Variants in ABCA7 observed in about 807,000 individuals in gnomAD.
ABCA7 encodes ATP binding cassette subfamily A member 7.
In ABCA7, 261 loss-of-function variants were observed where a neutral mutation model predicts 227.6. That is an observed-to-expected ratio of 1.15 (90% confidence interval 1.04 to 1.27). The LOEUF (loss-of-function observed/expected upper bound fraction) is 1.27. Among genes scored for constraint, ABCA7 ranks in the 50% most tolerant of loss-of-function variants. The pLI is 0.00. For synonymous variants in ABCA7, 1,488 were observed against 1,279.7 expected (o/e 1.16, Z -3.47); for missense variants, 3,331 against 2,924.5 (o/e 1.14, Z -3.21).
chr19:1,062,778 C>G (rs1253229214), intron 42 of ABCA7, among the ~76,000 whole-genome samples: 10 of 151,682 alleles, frequency 6.6e-5, no homozygotes, highest in Middle Eastern at 3.4e-3. Context: ...CTGTCCCACC[C>G]CATGCCCTTT....
rs1480356267 is a variant in ABCA7, at chr19:1,053,182, T to C, written c.3221-147T>C. 8 of 799,628 alleles carry C rather than the reference T, an allele frequency of 1.0e-5. No individual in the cohort carries two copies. In the African/African-American group the frequency reaches 1.2e-4, roughly 12 times the overall value. 49.5% of individuals were successfully genotyped at this position (799,628 alleles called of 1,614,324 possible). On this transcript the variant is annotated intron_variant, in intron 23 of 46. Transcript: ENST00000263094. ...TGCTGGGATTACAGGCGTGAGCCAC[T>C]GCGCCCGGCCGCACCTGGCCTACGT...
chr19:1,045,697 T>C lies in ABCA7; in HGVS notation c.1445+466T>C, dbSNP rs982102048. ...CTCCCCCACCAACCTCACGAAAATATCTTTAAAAATTAGCCAGGTGAGGCC... is the reference window on the plus strand; with the variant it reads ...CTCCCCCACCAACCTCACGAAAATACCTTTAAAAATTAGCCAGGTGAGGCC... On this transcript the variant is annotated intron_variant, in intron 12 of 46. Coordinates refer to ENST00000263094, the MANE Select transcript of ABCA7 (RefSeq NM_019112.4). 1.3e-4 allele frequency: 18 copies of C among 136,840 alleles called. No individual in the cohort carries two copies. In the East Asian group the frequency reaches 2.2e-3, roughly 17 times the overall value. The allele number at this position is 136,840 out of a possible 1,614,324, so 8.5% of individuals were successfully genotyped here.
intron 25 of ABCA7, 54 bp from the exon 26 acceptor site, chr19:1,053,952 G>T (rs2042010929): frequency 2.1e-5 from 33 of 1,607,852 alleles, no homozygotes; most frequent in Non-Finnish European, 2.6e-5. Flanking sequence ...CCTGATTCCT[G>T]ATCCCCCAAT....
At position 1,053,369 on chromosome 19, in the gene ABCA7, C is replaced by T. The variant is rs778751995; in HGVS notation, c.3261C>T (p.Pro1087=). The T allele has an allele frequency of 3.8e-5, 61 of 1,609,140 alleles. No homozygotes were observed. Among genetic ancestry groups the T allele is most frequent in the Non-Finnish European group, 4.8e-5 (57 of 1,179,450 alleles). Residue 1087 remains proline, a synonymous_variant, in exon 24 of 47, where the codon CCC becomes CCT. Transcript: ENST00000263094. The part of the protein sequence containing the change: ...QLLALVQHWV[P]GARLVEELPH... ...TGGCCCTGGTACAGCACTGGGTGCC[C>T]GGGGCACGGCTGGTGGAGGAGCTGC...
chr19:1,043,844 G>T lies in ABCA7; in HGVS notation c.1047+3G>T. On this transcript the variant is annotated splice_donor_region_variant and intron_variant, in intron 10 of 46. Coordinates refer to ENST00000263094, the MANE Select transcript of ABCA7 (RefSeq NM_019112.4). The stretch of plus-strand genomic sequence containing the variant: ...GTTCCAATGTGGCCATGCTGCAGGT[G>T]TGCGGGGGTGCTGGGGAGGTGGGAT... The T allele has an allele frequency of 6.2e-7, 1 of 1,612,768 alleles. No individual in the cohort carries two copies.
In ABCA7 at chr19:1,058,800, C is replaced by T; in HGVS notation, c.5280-20C>T. On this transcript the variant is annotated intron_variant, in intron 38 of 46. Transcript: ENST00000263094. Reference sequence around the variant, plus strand: ...AGGGGCCAAGGACCTACTTTAAGCCCACAGATATTCTGTCCCCAGGCCCAG... The same window carrying T: ...AGGGGCCAAGGACCTACTTTAAGCCTACAGATATTCTGTCCCCAGGCCCAG... The T allele has an allele frequency of 6.3e-7, 1 of 1,591,142 alleles. No individual in the cohort carries two copies. The highest frequency in any genetic ancestry group is 8.6e-7 in the Non-Finnish European group (1 of 1,166,208).
chr19:1,042,072 GGCTGCTA>G lies in ABCA7; in HGVS notation c.314_320del (p.Leu105ProfsTer19). On this transcript the variant is annotated frameshift_variant, in exon 5 of 47. Coordinates refer to ENST00000263094, the MANE Select transcript of ABCA7 (RefSeq NM_019112.4). LOFTEE classifies it high-confidence loss of function. ...CCTCTCTCTGTCCCCAGGGTCTCCC[GGCTGCTA>G]GCCGATGCCCGCACTGTGCTGGGAG... The G allele has an allele frequency of 6.3e-7, 1 of 1,593,416 alleles. No individual in the cohort carries two copies. Among genetic ancestry groups the G allele is most frequent in the Non-Finnish European group, 8.5e-7 (1 of 1,176,592 alleles).
chr19:1,062,870 G>A (rs1250012998), intron 42 of ABCA7, among the ~76,000 whole-genome samples: 1 of 148,614 alleles, frequency 6.7e-6, no homozygotes, highest in African/African-American at 2.5e-5. Flanking sequence ...CCATACCAAG[G>A]CCCCACCCCA....
chr19:1,064,081 A>G, intron 44 of ABCA7, 80 bp from the exon 45 acceptor site: 1 of 1,441,670 alleles, frequency 6.9e-7, no homozygotes. Flanking sequence ...AGGGTGGCCC[A>G]GGCCGGGGGA....
rs1285257714 is a variant in ABCA7 at position 1,063,833 on chromosome 19, A to T, written c.5921A>T (p.Glu1974Val). ...LWNSLLAVVR[E>V]GRSVMLTSHS... The stretch of plus-strand genomic sequence containing the variant: ...AACAGCCTTTTGGCCGTGGTGCGGG[A>T]GGGCCGTTCAGTGATGCTCACCTCC... The change falls in exon 44 of 47, where the codon GAG (glutamate) becomes GTG (valine). Residue 1974 changes from glutamate to valine, a missense_variant. Glu to Val is a moderately radical substitution (Grantham distance 121). Transcript: ENST00000263094. 1.9e-6 allele frequency: 3 copies of T among 1,541,840 alleles called. No homozygotes were observed. The highest frequency in any genetic ancestry group is 2.6e-6 in the Non-Finnish European group (3 of 1,144,540).
chr19:1,047,236 A>G lies in ABCA7; in HGVS notation c.1925A>G (p.Gln642Arg). ...LAAFAVATVT[Q>R]SFLLSAFFSR... ...GCCTTCGCGGTGGCCACGGTGACCCAGAGCTTCCTGCTCAGCGCCTTCTTC... is the reference window on the plus strand; with the variant it reads ...GCCTTCGCGGTGGCCACGGTGACCCGGAGCTTCCTGCTCAGCGCCTTCTTC... The change falls in exon 15 of 47, where the codon CAG becomes CGG. Residue 642 changes from glutamine to arginine, a missense_variant. By Grantham distance (43) the Gln-to-Arg change is conservative (BLOSUM62 1). Coordinates refer to ENST00000263094, the MANE Select transcript of ABCA7 (RefSeq NM_019112.4). The G allele has an allele frequency of 6.2e-7, 1 of 1,608,114 alleles. No individual in the cohort carries two copies. Among genetic ancestry groups the G allele is most frequent in the Non-Finnish European group, 8.5e-7 (1 of 1,179,380 alleles).
Position 1,048,989 on chromosome 19 carries a change from C to T in ABCA7, c.2364C>T (p.Thr788=), listed in dbSNP as rs146739407. The T allele has an allele frequency of 9.3e-5, 149 of 1,594,444 alleles. No individual in the cohort carries two copies. The highest frequency in any genetic ancestry group is 1.6e-4 in the Admixed American group (9 of 57,442). Residue 788 remains threonine, a synonymous_variant, in exon 17 of 47, where the codon ACC becomes ACT. Transcript: ENST00000263094. The part of the protein sequence containing the change: ...RPPKSPAPCP[T]PLDPKVLVEE... ...CCAAGAGTCCAGCCCCTTGCCCCACCCCGCTGGACCCAAAGGGTGAGGCAC... is the reference window on the plus strand; with the variant it reads ...CCAAGAGTCCAGCCCCTTGCCCCACTCCGCTGGACCCAAAGGGTGAGGCAC...
At position 1,049,537 on chromosome 19, in the gene ABCA7, GTGAA is replaced by G; in HGVS notation, c.2552+101_2552+104del. On this transcript the variant is annotated intron_variant, in intron 18 of 46. Transcript: ENST00000263094. ...GTGAGCCCCCCACCACTCCCTCCCC[GTGAA>G]CCCCCCACCACTCCCTCCCCGTGAG... 1.1e-4 allele frequency: 13 copies of G among 119,202 alleles called. 3 individuals carry two copies. The highest frequency in any genetic ancestry group is 7.3e-4 in the South Asian group (9 of 12,358). 7.4% of individuals were successfully genotyped at this position (119,202 alleles called of 1,614,324 possible).
intron 4 of ABCA7, 41 bp from the exon 5 acceptor site, chr19:1,042,023 G>A: frequency 1.3e-6 from 2 of 1,582,564 alleles, no homozygotes; most frequent in Non-Finnish European, 1.7e-6. Flanking sequence ...GGGCTGCAGT[G>A]CCGGCCGGAA....
chr19:1,062,408 C>T, intron 42 of ABCA7, 95 bp downstream of exon 42: 2 of 1,535,410 alleles, frequency 1.3e-6, no homozygotes, highest in Non-Finnish European at 1.8e-6. Context: ...ACTCTCTCGC[C>T]TTGGCTCCAT....
At chr19:1,042,013 G>T in intron 4 of ABCA7, 41 bp downstream of exon 4, 1 of 1,581,384 alleles carries the variant, frequency 6.3e-7, no homozygotes, top group Non-Finnish European at 8.6e-7. Context: ...TGCAAACTCG[G>T]GGCTGCAGTG....
At chr19:1,044,357 C>T (rs1041933488) in intron 10 of ABCA7, among the ~76,000 whole-genome samples, 2 of 150,978 alleles carry the variant, frequency 1.3e-5, no homozygotes, top group African/African-American at 2.4e-5. Flanking sequence ...AAGCAATTCT[C>T]CTGCTTCAGC....
chr19:1,057,245 G>A, intron 34 of ABCA7, 69 bp from the exon 35 acceptor site: 1 of 1,585,438 alleles, frequency 6.3e-7, no homozygotes, highest in Admixed American at 1.7e-5. Flanking sequence ...GGTCAGGGTG[G>A]GAACAGGGCT....
Position 1,051,963 on chromosome 19 carries a change from C to CCCA in ABCA7, c.2990_2992dup (p.His997dup). On this transcript the variant is annotated inframe_insertion, in exon 22 of 47. Coordinates refer to ENST00000263094, the MANE Select transcript of ABCA7 (RefSeq NM_019112.4). ...CTAGGTCGCACGCTGATCCTCTCCA[C>CCCA]CCACCACCTGGATGAGGCAGAGCTG... is the stretch of plus-strand genomic sequence containing the variant. 6.2e-7 allele frequency: 1 copy of CCCA among 1,611,962 alleles called. No individual in the cohort carries two copies. The highest frequency in any genetic ancestry group is 2.2e-5 in the East Asian group (1 of 44,866).
Sources: gnomAD v4.1 joint callset for allele counts (sites outside exome capture counted in the v4.1 genomes callset) on GRCh38, gnomAD v4.1.1 for gene constraint, MANE v1.5 for transcripts, NCBI Gene and HGNC (gene_info 2026-07-23, HGNC 2026-07-21) for gene names.